The following RPGRIP1L variants were observed in gnomAD, a reference collection of about 807,000 sequenced individuals.
RPGRIP1L encodes the protein protein fantom.
Under a neutral mutation model 160.4 loss-of-function variants are expected in RPGRIP1L, and 131 were observed. The observed-to-expected ratio is 0.82, with a 90% CI of 0.71 to 0.94. The LOEUF (loss-of-function observed/expected upper bound fraction) is 0.94. Ranked by LOEUF, RPGRIP1L falls within the 40% of genes least tolerant of loss-of-function variation. The pLI is 0.00. For missense variants in RPGRIP1L, 1,522 were observed against 1,535.8 expected (o/e 0.99, Z 0.15); for synonymous variants, 510 against 515.8 (o/e 0.99, Z 0.15).
chr16:53,664,862 A>G lies in RPGRIP1L; in HGVS notation c.1243+8T>C, dbSNP rs2151198059. The G allele has an allele frequency of 1.2e-6, 2 of 1,608,870 alleles. No homozygotes were observed. Among genetic ancestry groups the G allele is most frequent in the South Asian group, 2.2e-5 (2 of 91,076 alleles). On this transcript the variant is annotated splice_region_variant and intron_variant, in intron 10 of 26. Coordinates refer to ENST00000647211, the MANE Select transcript of RPGRIP1L (RefSeq NM_015272.5). ...AAATGAGTAAGGCAGTGGTTATTTCAAATGTACCTCTTTCAGTTTTTAATC... is the reference window on the plus strand; with the variant it reads ...AAATGAGTAAGGCAGTGGTTATTTCGAATGTACCTCTTTCAGTTTTTAATC...
At chr16:53,640,446 G>C (rs1328584969) in intron 19 of RPGRIP1L, among the ~76,000 whole-genome samples, 2 of 152,164 alleles carry the variant, frequency 1.3e-5, no homozygotes, top group African/African-American at 4.8e-5. Context: ...TCTTAATGTA[G>C]ATATGGATTG....
chr16:53,630,668 G>C (rs1397333848), intron 22 of RPGRIP1L, among the ~76,000 whole-genome samples: 1 of 152,118 alleles, frequency 6.6e-6, no homozygotes, highest in African/African-American at 2.4e-5. Flanking sequence ...ATAAAAAATA[G>C]TTTTAAAAGC....
At position 53,696,237 on chromosome 16, in the gene RPGRIP1L, C is replaced by G. The variant is rs377512064; in HGVS notation, c.144G>C (p.Glu48Asp). ...AACGCAAAAATCTGTCTTCCAGTTC[C>G]TCACGACTGACACGTGACACTGCCT... ...SRQAVSRVSR[E>D]ELEDRFLRLH... Residue 48 changes from glutamate to aspartate, a missense_variant, in exon 3 of 27, where the codon GAG becomes GAC. Physicochemically the swap from Glu to Asp is conservative, Grantham distance 45 (BLOSUM62 2). Transcript: ENST00000647211. The G allele has an allele frequency of 3.1e-5, 50 of 1,613,922 alleles. No individual in the cohort carries two copies. The highest frequency in any genetic ancestry group is 4.0e-5 in the Non-Finnish European group (47 of 1,179,986).
chr16:53,610,757 C>T (rs550250569), intron 25 of RPGRIP1L, among the ~76,000 whole-genome samples: 5 of 152,270 alleles, frequency 3.3e-5, no homozygotes, highest in South Asian at 2.1e-4. Flanking sequence ...CCTATAGGAT[C>T]ATTACAATTA....
At chr16:53,662,163 G>T (rs997556840) in intron 10 of RPGRIP1L, among the ~76,000 whole-genome samples, 2 of 152,032 alleles carry the variant, frequency 1.3e-5, no homozygotes, top group Non-Finnish European at 2.9e-5. Flanking sequence ...TGTTCTTCCA[G>T]CACACCATTA....
At chr16:53,647,465 G>A (rs751126437) in intron 16 of RPGRIP1L, among the ~76,000 whole-genome samples, 3 of 152,012 alleles carry the variant, frequency 2.0e-5, no homozygotes, top group Non-Finnish European at 2.9e-5. Flanking sequence ...TGTTACCTTC[G>A]CTGTTTAACA....
chr16:53,663,581 T>A (rs1043087265), intron 10 of RPGRIP1L, among the ~76,000 whole-genome samples: 1 of 152,066 alleles, frequency 6.6e-6, no homozygotes, highest in Non-Finnish European at 1.5e-5. Flanking sequence ...AGCACTCTGT[T>A]AGGTATTTGA....
chr16:53,648,626 G>GCGCACACACACACA (rs1555602385), intron 16 of RPGRIP1L, among the ~76,000 whole-genome samples: 35 of 144,084 alleles, frequency 2.4e-4, no homozygotes, highest in Non-Finnish European at 3.6e-4. Context: ...GCGCGCGCGC[G>GCGCACACACACACA]CACACACACA....
chr16:53,641,204 GGT>G (rs748297477), intron 18 of RPGRIP1L, 79 bp downstream of exon 18: 28 of 1,469,410 alleles, frequency 1.9e-5, no homozygotes, highest in Non-Finnish European at 2.5e-5. Flanking sequence ...ATTTTTTTTT[GGT>G]GGGGGTGGCA....
Position 53,686,524 on chromosome 16 carries a change from C to G in RPGRIP1L, c.685G>C (p.Ala229Pro). Reference sequence around the variant, plus strand: ...CTCAACTGAGTTTTCAGGATCTCAGCCAAGTGCTCTAACTCCTCTATCTGG... The same window carrying G: ...CTCAACTGAGTTTTCAGGATCTCAGGCAAGTGCTCTAACTCCTCTATCTGG... ...RGQIEELEHL[A>P]EILKTQLRRK... is the part of the protein sequence containing the mutation. Residue 229 changes from alanine to proline, a missense_variant, in exon 6 of 27, where the codon GCT (alanine) becomes CCT (proline). Ala to Pro is a conservative substitution (Grantham distance 27, BLOSUM62 -1). Coordinates refer to ENST00000647211, the MANE Select transcript of RPGRIP1L (RefSeq NM_015272.5). 1 of 1,613,562 alleles carries G rather than the reference C, an allele frequency of 6.2e-7. No homozygotes were observed. The highest frequency in any genetic ancestry group is 8.5e-7 in the Non-Finnish European group (1 of 1,179,720).
chr16:53,600,872 C>T lies in RPGRIP1L; in HGVS notation c.*1204G>A, dbSNP rs1333387734. The T allele has an allele frequency of 6.6e-6, 1 of 152,496 alleles. No homozygotes were observed. Among genetic ancestry groups the T allele is most frequent in the Admixed American group, 6.6e-5 (1 of 15,254 alleles). The allele number at this position is 152,496 out of a possible 1,614,324, so 9.4% of individuals were successfully genotyped here. A position where few individuals can be genotyped will look rare whatever the true frequency, so the allele number is the denominator to read the frequency against. On this transcript the variant is annotated 3_prime_UTR_variant, in exon 27 of 27. Transcript: ENST00000647211. Reference sequence around the variant, plus strand: ...GAAGCAGAGATTTAATATATCACGGCAAATTAGGTAGATTTTAATAAATTA... The same window carrying T: ...GAAGCAGAGATTTAATATATCACGGTAAATTAGGTAGATTTTAATAAATTA...
chr16:53,701,837 T>C (rs1971421318), intron 1 of RPGRIP1L: 1 of 152,100 alleles, frequency 6.6e-6, no homozygotes, highest in Non-Finnish European at 1.5e-5. Context: ...TATATGTATA[T>C]ATGCAATATC....
At chr16:53,649,202 T>A in intron 15 of RPGRIP1L, 87 bp from the exon 16 acceptor site, 3 of 1,092,090 alleles carry the variant, frequency 2.7e-6, no homozygotes, top group South Asian at 1.3e-5. Context: ...CATTATGCAT[T>A]AAAACTATAC....
intron 25 of RPGRIP1L, among the ~76,000 whole-genome samples, chr16:53,607,542 T>C (rs1043753888): frequency 6.6e-6 from 1 of 152,198 alleles, no homozygotes; most frequent in Non-Finnish European, 1.5e-5. Flanking sequence ...AATGCACATA[T>C]TATAACACAA....
intron 16 of RPGRIP1L, among the ~76,000 whole-genome samples, chr16:53,647,846 C>T (rs1567833302): frequency 6.6e-6 from 1 of 152,144 alleles, no homozygotes; most frequent in Non-Finnish European, 1.5e-5. Flanking sequence ...TGGCTCATGC[C>T]TGTAATCCCA....
Position 53,645,964 on chromosome 16 carries a change from T to C in RPGRIP1L, c.2344A>G (p.Thr782Ala), listed in dbSNP as rs1249630167. Residue 782 changes from threonine to alanine, a missense_variant, in exon 17 of 27, where the codon ACA becomes GCA. Thr to Ala is a moderately conservative substitution (Grantham distance 58, BLOSUM62 0). Transcript: ENST00000647211. The part of the protein sequence containing the change: ...QAPKTAQLSS[T>A]DSTDGNLNEL... ...TTTAAGTTGCCATCTGTGGAATCTG[T>C]AGAACTGAGTTGAGCAGTTTTGGGT... 2 of 1,614,012 alleles carry C rather than the reference T, an allele frequency of 1.2e-6. No individual in the cohort carries two copies. The highest frequency in any genetic ancestry group is 2.2e-5 in the East Asian group (1 of 44,892).
intron 24 of RPGRIP1L, among the ~76,000 whole-genome samples, chr16:53,611,588 A>G (rs1302539627): frequency 6.6e-6 from 1 of 152,162 alleles, no homozygotes; most frequent in African/African-American, 2.4e-5. Context: ...GCAGGGAGAG[A>G]AAGGCTTTTT....
At chr16:53,690,545 G>C (rs936741060) in intron 4 of RPGRIP1L, among the ~76,000 whole-genome samples, 34 of 152,266 alleles carry the variant, frequency 2.2e-4, no homozygotes, top group African/African-American at 8.2e-4. Flanking sequence ...GCCCAGGCTA[G>C]ACTCAAACTC....
chr16:53,665,545 T>C (rs958035899), intron 9 of RPGRIP1L, among the ~76,000 whole-genome samples: 1 of 152,112 alleles, frequency 6.6e-6, no homozygotes, highest in Non-Finnish European at 1.5e-5. Context: ...GATAATATAG[T>C]TTTTGTTAAA....
Sources: allele counts gnomAD v4.1 joint callset (sites outside exome capture counted in the v4.1 genomes callset), GRCh38; gene constraint gnomAD v4.1.1; transcripts MANE v1.5; gene names NCBI Gene and HGNC (gene_info 2026-07-23, HGNC 2026-07-21).